Variants in CLNK observed in about 807,000 individuals in gnomAD.
CLNK encodes cytokine-dependent hematopoietic cell linker.
CLNK carries 74 observed loss-of-function variants against 68.6 expected under a neutral mutation model. The ratio of observed to expected loss-of-function variants is 1.08; its 90% CI spans 0.89 to 1.31. The LOEUF (loss-of-function observed/expected upper bound fraction) is 1.31. Among genes scored for constraint, CLNK ranks in the 50% most tolerant of loss-of-function variants. The pLI is 0.00. For missense variants in CLNK, 553 were observed against 515.3 expected (o/e 1.07, Z -0.71); for synonymous variants, 198 against 172.2 (o/e 1.15, Z -1.17).
chr4:10,688,793 T>C (rs1725358236), upstream of CLNK, among the ~76,000 whole-genome samples: 1 of 152,212 alleles, frequency 6.6e-6, no homozygotes, highest in South Asian at 2.1e-4. Flanking sequence ...GAGCTTCGGC[T>C]ATGCATTTAG....
At chr4:10,645,960 G>A (rs6836007) in intron 2 of CLNK, among the ~76,000 whole-genome samples, 49,768 of 151,892 alleles carry the variant, frequency 0.33, 8,427 homozygotes, top group African/African-American at 0.41. Flanking sequence ...TATTTATTAA[G>A]GAAAAAGGGC....
chr4:10,602,504 T>G (rs111690176), intron 2 of CLNK, among the ~76,000 whole-genome samples: 1 of 152,138 alleles, frequency 6.6e-6, no homozygotes, highest in Non-Finnish European at 1.5e-5. Context: ...TGGAGTGATG[T>G]TGTCACAAAT....
chr4:10,726,379 A>G, the CLNK span, among the ~76,000 whole-genome samples: 1 of 152,160 alleles, frequency 6.6e-6, no homozygotes, highest in Non-Finnish European at 1.5e-5. Context: ...TTGGCCTCCC[A>G]AAGTGCTGGG....
intron 1 of CLNK, among the ~76,000 whole-genome samples, chr4:10,680,703 C>T (rs1380787506): frequency 6.6e-6 from 1 of 152,108 alleles, no homozygotes; most frequent in Non-Finnish European, 1.5e-5. Flanking sequence ...TCATTTCTCA[C>T]CACAAATTCG....
At chr4:10,631,964 CA>C (rs1490992841) in intron 2 of CLNK, among the ~76,000 whole-genome samples, 1 of 152,152 alleles carries the variant, frequency 6.6e-6, no homozygotes, top group East Asian at 1.9e-4. Context: ...ATAGAAGGCT[CA>C]AGGTGCGCAT....
intron 3 of CLNK, among the ~76,000 whole-genome samples, chr4:10,590,055 T>C (rs1254757442): frequency 6.6e-6 from 1 of 152,136 alleles, no homozygotes; most frequent in Admixed American, 6.5e-5. Flanking sequence ...AATTTTTCCT[T>C]CCTCTCTATT....
At chr4:10,561,331 T>C (rs926184393) in intron 7 of CLNK, among the ~76,000 whole-genome samples, 6 of 152,206 alleles carry the variant, frequency 3.9e-5, no homozygotes, top group Admixed American at 2.0e-4. Context: ...TGTGCTGAGA[T>C]TGTAGTTCCA....
At chr4:10,566,858 T>C (rs1358820841) in intron 5 of CLNK, among the ~76,000 whole-genome samples, 2 of 151,874 alleles carry the variant, frequency 1.3e-5, no homozygotes, top group East Asian at 1.9e-4. Context: ...ATATTAGCAA[T>C]AGCATCAAGG....
In CLNK at chr4:10,650,770, G is replaced by A. The variant is rs537120015; in HGVS notation, c.11+17089C>T. Among the ~76,000 whole-genome samples, 3 of 151,926 alleles carry A rather than the reference G, an allele frequency of 2.0e-5. No homozygotes were observed. The South Asian group carries it at 6.2e-4, about 32-fold the overall frequency. On this transcript the variant is annotated intron_variant, in intron 2 of 18. Transcript: ENST00000226951. ...TGAAAAATGCAATCCTCAATGGAAG[G>A]TTTGACATATAAAATTTGCAATCTA...
intron 17 of CLNK, among the ~76,000 whole-genome samples, chr4:10,503,772 CTTTTTTTTTTT>C (rs869102696): frequency 1.1e-4 from 7 of 63,288 alleles, no homozygotes; most frequent in African/African-American, 3.9e-4. Flanking sequence ...CATTTAGAGA[CTTTTTTTTTTT>C]TTTTTTTTTT....
upstream of CLNK, among the ~76,000 whole-genome samples, chr4:10,685,597 A>G (rs1725241995): frequency 6.6e-6 from 1 of 152,176 alleles, no homozygotes; most frequent in Non-Finnish European, 1.5e-5. Flanking sequence ...TGAATTCCAT[A>G]ACAAACTCCA....
chr4:10,641,332 C>T (rs898943736), intron 2 of CLNK, among the ~76,000 whole-genome samples: 1 of 152,146 alleles, frequency 6.6e-6, no homozygotes, highest in African/African-American at 2.4e-5. Flanking sequence ...GGTAGAGAGA[C>T]AGCAGGTGGT....
At chr4:10,573,329 CAG>C (rs1248352137) in intron 4 of CLNK, among the ~76,000 whole-genome samples, 2 of 152,142 alleles carry the variant, frequency 1.3e-5, no homozygotes. Flanking sequence ...GTTAATGAGA[CAG>C]AGCTAATCTC....
Position 10,562,395 on chromosome 4 carries a change from T to TTTTG in CLNK, c.399+2272_399+2275dup, listed in dbSNP as rs1225745996. 4.6e-5 allele frequency among the ~76,000 whole-genome samples: 7 copies of TTTTG among 152,012 alleles called. No homozygotes were observed. In the South Asian group the frequency reaches 1.5e-3, roughly 32 times the overall value. ...AGTGATGATGTTCATCTTTTGAGAT[T>TTTTG]TTTGTTTGTTTGTTTTTGTTTTTGT... On this transcript the variant is annotated intron_variant, in intron 7 of 18. Transcript: ENST00000226951.
rs559864924 is a variant in CLNK at position 10,488,558 on chromosome 4, T to G, written c.*1909A>C. The G allele has an allele frequency of 6.6e-6, 1 of 152,358 alleles. No individual in the cohort carries two copies. Among genetic ancestry groups the G allele is most frequent in the African/African-American group, 2.4e-5 (1 of 41,582 alleles). The allele number at this position is 152,358 out of a possible 1,614,324, so 9.4% of individuals were successfully genotyped here. A position where few individuals can be genotyped will look rare whatever the true frequency, so the allele number is the denominator to read the frequency against. On this transcript the variant is annotated 3_prime_UTR_variant, in exon 19 of 19. Coordinates refer to ENST00000226951, the MANE Select transcript of CLNK (RefSeq NM_052964.4). ...GTTCTTTCGTATCCAAGCTCCAATT[T>G]AAACACTCTTGTCTCTTGGTTCTAT... is the stretch of plus-strand genomic sequence containing the variant.
chr4:10,490,723 A>T (rs1716533899), intron 18 of CLNK, 110 bp from the exon 19 acceptor site: 1 of 841,502 alleles, frequency 1.2e-6, no homozygotes, highest in Non-Finnish European at 1.8e-6. Context: ...AACCAATTTA[A>T]CAATGTTTGT....
At chr4:10,724,527 A>T in the CLNK span, among the ~76,000 whole-genome samples, 1 of 150,734 alleles carries the variant, frequency 6.6e-6, no homozygotes, top group Non-Finnish European at 1.5e-5. Context: ...CAGTGAGGGC[A>T]GAAAGTTCTT....
the CLNK span, chr4:10,697,564 A>G: frequency 2.0e-5 from 3 of 152,090 alleles, no homozygotes; most frequent in Non-Finnish European, 4.4e-5. Context: ...AAGAATTATC[A>G]CCTTCTTCCC....
chr4:10,505,077 C>T (rs1308280586), intron 17 of CLNK, among the ~76,000 whole-genome samples: 1 of 152,104 alleles, frequency 6.6e-6, no homozygotes, highest in African/African-American at 2.4e-5. Context: ...GTAGTTCTTC[C>T]GACGGAAAAC....
Sources: gnomAD v4.1 joint callset for allele counts (sites outside exome capture counted in the v4.1 genomes callset) on GRCh38, gnomAD v4.1.1 for gene constraint, MANE v1.5 for transcripts, NCBI Gene and HGNC (gene_info 2026-07-23, HGNC 2026-07-21) for gene names.